The following PADI4 variants were observed in gnomAD, a reference collection of about 807,000 sequenced individuals.
PADI4 encodes peptidyl arginine deiminase 4, also known as protein-arginine deiminase type-4.
A neutral mutation model predicts 75.0 loss-of-function variants in PADI4; 62 were observed. The ratio of observed to expected loss-of-function variants is 0.83; its 90% CI spans 0.67 to 1.02. PADI4 has a LOEUF of 1.02. PADI4 is among the 50% of genes least tolerant of loss of function. The pLI is 0.00. For synonymous variants in PADI4, 361 were observed against 348.1 expected (o/e 1.04, Z -0.41); for missense variants, 845 against 850.5 (o/e 0.99, Z 0.08).
chr1:17,352,058 GATGGGAGGTGGGAAGAGAGGCA>G (rs1407414209), intron 10 of PADI4, among the ~76,000 whole-genome samples: 6 of 133,120 alleles, frequency 4.5e-5, no homozygotes, highest in Non-Finnish European at 8.2e-5. Flanking sequence ...TCAGGGAGGT[GATGGGAGGTGGGAAGAGAGGCA>G]GTCAGGGAGG....
intron 2 of PADI4, 137 bp from the exon 3 acceptor site, chr1:17,333,806 A>G (rs920882259): frequency 1.6e-6 from 1 of 633,904 alleles, no homozygotes; most frequent in East Asian, 2.8e-5. Context: ...GGATGGGGCC[A>G]CTCCTTACAG....
chr1:17,328,593 A>C (rs1183289670), intron 1 of PADI4, among the ~76,000 whole-genome samples: 2 of 151,986 alleles, frequency 1.3e-5, no homozygotes, highest in Non-Finnish European at 2.9e-5. Flanking sequence ...GCTGCAGTGA[A>C]TTGTGATCAC....
At chr1:17,350,518 C>T (rs1410023873) in intron 10 of PADI4, among the ~76,000 whole-genome samples, 1 of 130,700 alleles carries the variant, frequency 7.7e-6, no homozygotes, top group African/African-American at 2.5e-5. Flanking sequence ...AGAAGGGCAA[C>T]AGCTTTCCAA....
chr1:17,338,310 C>T (rs1268148147), intron 5 of PADI4, among the ~76,000 whole-genome samples, 155 bp downstream of exon 5: 2 of 152,130 alleles, frequency 1.3e-5, no homozygotes, highest in Non-Finnish European at 2.9e-5. Context: ...GGCAAAGGCC[C>T]TCGGGGGTCA....
chr1:17,330,221 G>T (rs760527445), intron 1 of PADI4, among the ~76,000 whole-genome samples: 1 of 152,144 alleles, frequency 6.6e-6, no homozygotes, highest in Non-Finnish European at 1.5e-5. Flanking sequence ...CAGGGGATTC[G>T]CTTTCTGTCA....
chr1:17,325,290 T>C (rs1346179685), intron 1 of PADI4, among the ~76,000 whole-genome samples: 1 of 152,230 alleles, frequency 6.6e-6, no homozygotes, highest in Non-Finnish European at 1.5e-5. Flanking sequence ...ATTTTCTTCA[T>C]AAAAATCTTA....
At chr1:17,318,717 G>T (rs529475652) in intron 1 of PADI4, among the ~76,000 whole-genome samples, 4 of 143,902 alleles carry the variant, frequency 2.8e-5, no homozygotes, top group Non-Finnish European at 6.0e-5. Flanking sequence ...ATGGAGTCTC[G>T]CTCTATCACC....
chr1:17,355,449 C>T (rs558224530), intron 11 of PADI4, among the ~76,000 whole-genome samples: 3 of 151,684 alleles, frequency 2.0e-5, no homozygotes, highest in Admixed American at 6.6e-5. Context: ...CTCGGGAGGC[C>T]GAGGCAAGAG....
intron 4 of PADI4, 70 bp downstream of exon 4, chr1:17,336,296 G>A: frequency 8.9e-7 from 1 of 1,125,620 alleles, no homozygotes; most frequent in Non-Finnish European, 1.4e-6. Flanking sequence ...TGTGGTGATG[G>A]GGCAAATGCT....
chr1:17,310,084 T>A (rs1411184891), intron 1 of PADI4, among the ~76,000 whole-genome samples: 2 of 152,148 alleles, frequency 1.3e-5, no homozygotes, highest in Non-Finnish European at 2.9e-5. Context: ...TCTTTTCTCC[T>A]CCTTCAGCCA....
intron 3 of PADI4, among the ~76,000 whole-genome samples, chr1:17,335,061 C>T (rs578197301): frequency 2.6e-5 from 4 of 152,082 alleles, no homozygotes; most frequent in South Asian, 4.2e-4. Flanking sequence ...GAGGATTGCT[C>T]GAGCCCAGAA....
intron 1 of PADI4, among the ~76,000 whole-genome samples, chr1:17,309,685 T>G (rs2073774977): frequency 6.6e-6 from 1 of 152,206 alleles, no homozygotes; most frequent in African/African-American, 2.4e-5. Context: ...CCGGGGACAT[T>G]TCTTTGCTAC....
chr1:17,332,866 G>A (rs189189540), intron 2 of PADI4, among the ~76,000 whole-genome samples: 31 of 152,174 alleles, frequency 2.0e-4, no homozygotes, highest in Non-Finnish European at 2.9e-4. Flanking sequence ...AGGGTGACAC[G>A]AACTACCCAC....
At chr1:17,329,800 TA>T (rs1425943600) in intron 1 of PADI4, among the ~76,000 whole-genome samples, 1 of 152,248 alleles carries the variant, frequency 6.6e-6, no homozygotes, top group Non-Finnish European at 1.5e-5. Context: ...TCCTCCTAGA[TA>T]ATCCGACTTT....
intron 10 of PADI4, among the ~76,000 whole-genome samples, chr1:17,348,503 A>G (rs1203398759): frequency 6.6e-6 from 1 of 152,170 alleles, no homozygotes; most frequent in Non-Finnish European, 1.5e-5. Context: ...GTGTGACTTT[A>G]TCAGCCACAG....
At chr1:17,308,685 G>T (rs972175552) in intron 1 of PADI4, among the ~76,000 whole-genome samples, 2 of 152,138 alleles carry the variant, frequency 1.3e-5, no homozygotes, top group Non-Finnish European at 2.9e-5. Flanking sequence ...GGGCCTCCTG[G>T]TTCACAGCAC....
At chr1:17,311,204 A>C (rs2073819971) in intron 1 of PADI4, among the ~76,000 whole-genome samples, 1 of 151,942 alleles carries the variant, frequency 6.6e-6, no homozygotes, top group South Asian at 2.1e-4. Context: ...TGGAGGTTGC[A>C]GTGAGGCAAG....
In PADI4 at chr1:17,356,138, GGGGGC is replaced by G. The variant is rs1169411161; in HGVS notation, c.1455+12_1455+16del. 2 of 1,612,802 alleles carry G rather than the reference GGGGGC, an allele frequency of 1.2e-6. No homozygotes were observed. The highest frequency in any genetic ancestry group is 2.7e-5 in the African/African-American group (2 of 74,890). On this transcript the variant is annotated intron_variant, in intron 12 of 15. Coordinates refer to ENST00000375448, the MANE Select transcript of PADI4 (RefSeq NM_012387.3). This position sits in a 1 kb window ranked among gnomAD's most constrained non-coding sequence, Gnocchi z 4.1. ...GCACCCGACAGGAAGGTACAGTCTT[GGGGGC>G]TGCCTCAGGAAGCCATGCCTCCTTC...
Position 17,363,747 on chromosome 1 carries a change from G to A in PADI4, c.1984G>A (p.Val662Met), listed in dbSNP as rs746894487. The A allele has an allele frequency of 7.4e-6, 12 of 1,611,728 alleles. No homozygotes were observed. The Admixed American group carries it at 1.7e-4, about 22-fold the overall frequency. The change falls in exon 16 of 16, where the codon GTG becomes ATG. Residue 662 changes from valine to methionine, a missense_variant. Transcript: ENST00000375448. ...CTTCTCCTTCAAGTGGTGGAACATG[G>A]TGCCCTGAGCCCATCTTCCCTGGCG... ...KPFSFKWWNM[V>M]P is the part of the protein sequence containing the mutation.
Sources: gnomAD v4.1 joint callset for allele counts (sites outside exome capture counted in the v4.1 genomes callset) on GRCh38, gnomAD v4.1.1 for gene constraint, Gnocchi (gnomAD v3.1) non-coding constraint, MANE v1.5 for transcripts, NCBI Gene and HGNC (gene_info 2026-07-23, HGNC 2026-07-21) for gene names.